VSTM4: variants seen among roughly 807,000 people sequenced by gnomAD.
The protein encoded by VSTM4 is V-set and transmembrane domain-containing protein 4.
Under a neutral mutation model 36.4 loss-of-function variants are expected in VSTM4, and 20 were observed. The observed-to-expected ratio is 0.55, with a 90% CI of 0.39 to 0.80. The LOEUF is 0.80. Among genes scored for constraint, VSTM4 ranks in the 30% least tolerant of loss-of-function variants. The pLI is 0.00. For missense variants in VSTM4, 392 were observed against 404.5 expected (o/e 0.97, Z 0.26); for synonymous variants, 182 against 173.9 (o/e 1.05, Z -0.37).
At position 49,076,268 on chromosome 10, in the gene VSTM4, G is replaced by C. The variant is rs760771770; in HGVS notation, c.634+951C>G. 2.6e-5 allele frequency among the ~76,000 whole-genome samples: 4 copies of C among 152,194 alleles called. No individual in the cohort carries two copies. In the East Asian group the frequency reaches 7.7e-4, roughly 29 times the overall value. ...ATTAGAGCCATATGTCAACATAAAA[G>C]CAGGACATTCGCTGGAGCCTGTGTT... On this transcript the variant is annotated intron_variant, in intron 4 of 7. Transcript: ENST00000332853.
chr10:49,045,076 C>T (rs1295312693), intron 7 of VSTM4, among the ~76,000 whole-genome samples: 2 of 152,080 alleles, frequency 1.3e-5, no homozygotes, highest in African/African-American at 2.4e-5. Context: ...TATTAATACC[C>T]CATTGTATTA....
chr10:49,102,160 G>GT (rs34340736), intron 2 of VSTM4: 69 of 148,300 alleles, frequency 4.7e-4, no homozygotes, highest in East Asian at 2.0e-3. Flanking sequence ...TTTGTTTTTT[G>GT]TTTTTTTTTT....
chr10:49,072,778 G>T (rs904497127), intron 4 of VSTM4, among the ~76,000 whole-genome samples: 1 of 152,178 alleles, frequency 6.6e-6, no homozygotes, highest in Non-Finnish European at 1.5e-5. Flanking sequence ...CAGGCCCCAG[G>T]GCTGAGAGTG....
intron 7 of VSTM4, among the ~76,000 whole-genome samples, chr10:49,028,288 C>G (rs892376749): frequency 3.3e-5 from 5 of 152,312 alleles, no homozygotes; most frequent in African/African-American, 1.2e-4. Flanking sequence ...CAGTGATGAA[C>G]CTTCCTGGAC....
intron 2 of VSTM4, among the ~76,000 whole-genome samples, chr10:49,096,706 G>A (rs1190256311): frequency 1.3e-5 from 2 of 150,124 alleles, no homozygotes; most frequent in African/African-American, 2.5e-5. Flanking sequence ...CCAGGCTGGA[G>A]TACAATGACA....
chr10:49,048,397 C>T (rs1843646473), intron 6 of VSTM4, 81 bp downstream of exon 6: 2 of 1,293,118 alleles, frequency 1.5e-6, no homozygotes, highest in Non-Finnish European at 2.1e-6. Flanking sequence ...CGCTCCCTGT[C>T]ATAATCCAAC....
Position 49,076,735 on chromosome 10 carries a change from C to T in VSTM4, c.634+484G>A, listed in dbSNP as rs372582069. Among the ~76,000 whole-genome samples, 56 of 152,124 alleles carry T rather than the reference C, an allele frequency of 3.7e-4. 1 individual carries two copies. The Middle Eastern group carries it at 0.01, about 28-fold the overall frequency. On this transcript the variant is annotated intron_variant, in intron 4 of 7. Coordinates refer to ENST00000332853, the MANE Select transcript of VSTM4 (RefSeq NM_001031746.5). The stretch of plus-strand genomic sequence containing the variant: ...ACAGGGACACCAAAGTGAAAGGAGA[C>T]GGAAGGGAACTCTCAGACTGGTCAG...
At chr10:49,086,670 A>G (rs903410148) in intron 2 of VSTM4, among the ~76,000 whole-genome samples, 21 of 152,210 alleles carry the variant, frequency 1.4e-4, no homozygotes, top group Admixed American at 1.2e-3. Context: ...ATCATAGGTA[A>G]AGATCTAGAA....
At chr10:49,064,516 G>A (rs960905219) in intron 5 of VSTM4, 187 bp downstream of exon 5, 4 of 659,600 alleles carry the variant, frequency 6.1e-6, no homozygotes, top group South Asian at 2.0e-5. Flanking sequence ...GATCCCTGGG[G>A]GTGAAAACCA....
chr10:49,063,528 C>G (rs1358129184), intron 5 of VSTM4, among the ~76,000 whole-genome samples: 1 of 152,152 alleles, frequency 6.6e-6, no homozygotes, highest in South Asian at 2.1e-4. Flanking sequence ...TTTTTGTAGG[C>G]AGTCACCCAG....
intron 2 of VSTM4, chr10:49,103,488 T>G (rs1844705022): frequency 1.8e-6 from 2 of 1,109,476 alleles, no homozygotes; most frequent in Non-Finnish European, 2.2e-6. Context: ...TTTCCATGTT[T>G]TCTATAATTG....
chr10:49,037,898 A>C (rs1032933932), intron 7 of VSTM4, among the ~76,000 whole-genome samples: 3 of 152,064 alleles, frequency 2.0e-5, no homozygotes, highest in African/African-American at 7.2e-5. Flanking sequence ...CAAAACCACA[A>C]TGAGATACCA....
intron 2 of VSTM4, among the ~76,000 whole-genome samples, chr10:49,104,305 A>G (rs1336720686): frequency 8.7e-6 from 1 of 114,784 alleles, no homozygotes; most frequent in East Asian, 2.9e-4. Flanking sequence ...CTGTCTCAAA[A>G]ACAACAACAA....
At chr10:49,027,657 T>G (rs1217748216) in intron 7 of VSTM4, among the ~76,000 whole-genome samples, 1 of 152,200 alleles carries the variant, frequency 6.6e-6, no homozygotes, top group African/African-American at 2.4e-5. Flanking sequence ...GCCACTATGT[T>G]TTGTCTCTTA....
At chr10:49,090,515 G>A (rs1159634262) in intron 2 of VSTM4, among the ~76,000 whole-genome samples, 2 of 152,184 alleles carry the variant, frequency 1.3e-5, no homozygotes, top group Admixed American at 1.3e-4. Flanking sequence ...CTGCTGCTCT[G>A]TGCTCAGGTT....
chr10:49,063,731 C>T (rs1322644943), intron 5 of VSTM4, among the ~76,000 whole-genome samples: 2 of 152,182 alleles, frequency 1.3e-5, no homozygotes, highest in African/African-American at 4.8e-5. Flanking sequence ...GGGAGAGAAG[C>T]CTCACACCCA....
At chr10:49,069,245 A>G (rs1032312544) in intron 4 of VSTM4, among the ~76,000 whole-genome samples, 2 of 152,102 alleles carry the variant, frequency 1.3e-5, no homozygotes, top group South Asian at 2.1e-4. Flanking sequence ...GGCATGGTTG[A>G]TATCTACCCA....
chr10:49,065,205 C>T (rs1302832163), intron 4 of VSTM4, among the ~76,000 whole-genome samples: 1 of 152,190 alleles, frequency 6.6e-6, no homozygotes, highest in East Asian at 1.9e-4. Context: ...GGACCAAAAC[C>T]TCCTCCTACA....
rs901812740 is a variant in VSTM4, at chr10:49,102,350, G to A, written c.457+5244C>T. The A allele has an allele frequency of 2.1e-5, 20 of 930,940 alleles. No homozygotes were observed. In the African/African-American group the frequency reaches 3.0e-4, roughly 14 times the overall value. The allele number at this position is 930,940 out of a possible 1,614,324, so 57.7% of individuals were successfully genotyped here. A position where few individuals can be genotyped will look rare whatever the true frequency, so the allele number is the denominator to read the frequency against. Reference sequence around the variant, plus strand: ...GGGGTTTCACCATGTTGGCCAGGCTGGTCTTGAACTCTTGACTTCGTGATC... The same window carrying A: ...GGGGTTTCACCATGTTGGCCAGGCTAGTCTTGAACTCTTGACTTCGTGATC... On this transcript the variant is annotated intron_variant, in intron 2 of 7. Coordinates refer to ENST00000332853, the MANE Select transcript of VSTM4 (RefSeq NM_001031746.5).
Sources: gnomAD v4.1 joint callset for allele counts (sites outside exome capture counted in the v4.1 genomes callset) on GRCh38, gnomAD v4.1.1 for gene constraint, MANE v1.5 for transcripts, NCBI Gene and HGNC (gene_info 2026-07-23, HGNC 2026-07-21) for gene names.